Variants in SUCLG1 observed in about 807,000 individuals in gnomAD.
The protein encoded by SUCLG1 is succinate-CoA ligase GDP/ADP-forming subunit alpha.
A neutral mutation model predicts 37.3 loss-of-function variants in SUCLG1; 26 were observed. The observed-to-expected ratio is 0.70, with a 90% CI of 0.51 to 0.97. The LOEUF is 0.97. SUCLG1 is among the 50% of genes least tolerant of loss of function. The pLI is 0.00. For synonymous variants in SUCLG1, 163 were observed against 155.6 expected (o/e 1.05, Z -0.36); for missense variants, 433 against 432.9 (o/e 1.00, Z 0.00).
At chr2:84,451,305 T>C (rs950068997) in intron 1 of SUCLG1, among the ~76,000 whole-genome samples, 1 of 152,196 alleles carries the variant, frequency 6.6e-6, no homozygotes, top group African/African-American at 2.4e-5. Context: ...TATCATACCA[T>C]ATGTTTTCAG....
At chr2:84,432,102 G>A (rs1371282446) in intron 6 of SUCLG1, among the ~76,000 whole-genome samples, 1 of 152,174 alleles carries the variant, frequency 6.6e-6, no homozygotes, top group African/African-American at 2.4e-5. Flanking sequence ...GAAGTATGCT[G>A]CAGATAAATC....
intron 2 of SUCLG1, among the ~76,000 whole-genome samples, chr2:84,445,841 G>A (rs78779609): frequency 0.015 from 2,246 of 152,158 alleles, 45 homozygotes; most frequent in East Asian, 0.066. Context: ...TGAAGATCAC[G>A]GCACTCCTCT....
At chr2:84,452,375 C>G (rs1672954482) in intron 1 of SUCLG1, among the ~76,000 whole-genome samples, 1 of 152,182 alleles carries the variant, frequency 6.6e-6, no homozygotes, top group Non-Finnish European at 1.5e-5. Context: ...GCAAATATCT[C>G]TTACCTTTCA....
At chr2:84,453,931 C>G (rs541038711) in intron 1 of SUCLG1, among the ~76,000 whole-genome samples, 1 of 152,326 alleles carries the variant, frequency 6.6e-6, no homozygotes, top group Admixed American at 6.5e-5. Flanking sequence ...TGAGTTTATG[C>G]TCTGCCTTCC....
chr2:84,458,362 G>A (rs1399956874), intron 1 of SUCLG1: 2 of 152,142 alleles, frequency 1.3e-5, no homozygotes, highest in Non-Finnish European at 2.9e-5. Flanking sequence ...CAGATTAAGT[G>A]TCCAGGGTTA....
intron 1 of SUCLG1, among the ~76,000 whole-genome samples, chr2:84,454,250 T>A (rs1672986190): frequency 6.6e-6 from 1 of 152,234 alleles, no homozygotes; most frequent in Non-Finnish European, 1.5e-5. Context: ...ATAAACATAC[T>A]AATCCATGTC....
At chr2:84,432,147 G>A (rs745759794) in intron 6 of SUCLG1, among the ~76,000 whole-genome samples, 1 of 152,212 alleles carries the variant, frequency 6.6e-6, no homozygotes, top group Admixed American at 6.5e-5. Flanking sequence ...GCCAGTGAGT[G>A]ACAGTGAGTA....
At chr2:84,432,922 C>A in intron 6 of SUCLG1, 1 of 229,494 alleles carries the variant, frequency 4.4e-6, no homozygotes, top group Non-Finnish European at 8.7e-6. Flanking sequence ...ACCAATAAGG[C>A]TCTAACAGTA....
intron 5 of SUCLG1, 186 bp from the exon 6 acceptor site, chr2:84,433,621 G>A (rs1372629592): frequency 4.9e-6 from 3 of 614,166 alleles, no homozygotes. Context: ...TCAAGCAGGG[G>A]GGTTTTTTAA....
intron 1 of SUCLG1, among the ~76,000 whole-genome samples, chr2:84,456,275 C>T (rs1467658956): frequency 6.6e-6 from 1 of 152,176 alleles, no homozygotes; most frequent in African/African-American, 2.4e-5. Flanking sequence ...TAAGTTATCA[C>T]ATGGTACATG....
chr2:84,427,076 T>C (rs1672545305), intron 7 of SUCLG1: 1 of 153,922 alleles, frequency 6.5e-6, no homozygotes, highest in Admixed American at 6.5e-5. Flanking sequence ...TTACCACTTA[T>C]ATTTTCAACT....
intron 1 of SUCLG1, 60 bp from the exon 2 acceptor site, chr2:84,449,812 T>C (rs1672913311): frequency 4.5e-6 from 6 of 1,340,006 alleles, no homozygotes; most frequent in Non-Finnish European, 5.2e-6. Context: ...TTTCTAAACT[T>C]TTGAACAATA....
At chr2:84,446,368 C>A (rs1287017419) in intron 2 of SUCLG1, among the ~76,000 whole-genome samples, 1 of 152,172 alleles carries the variant, frequency 6.6e-6, no homozygotes, top group African/African-American at 2.4e-5. Flanking sequence ...ATACAGTAGG[C>A]ATTCAATAAA....
Position 84,425,503 on chromosome 2 carries a change from C to T in SUCLG1, c.926G>A (p.Gly309Asp), listed in dbSNP as rs1259678864. Residue 309 changes from glycine to aspartate, a missense_variant, in exon 8 of 9, where the codon GGT becomes GAT. Gly to Asp is a moderately conservative substitution (Grantham distance 94). Coordinates refer to ENST00000393868, the MANE Select transcript of SUCLG1 (RefSeq NM_003849.4). Reference protein sequence around the residue: ...HAGAIIAGGKGGAKEKISALQ... With the variant: ...HAGAIIAGGKDGAKEKISALQ... Reference sequence around the variant, plus strand: ...GGCAGAGATCTTCTCTTTAGCTCCACCTTTTCCTCCAGCAATAATTGCCCC... The same window carrying T: ...GGCAGAGATCTTCTCTTTAGCTCCATCTTTTCCTCCAGCAATAATTGCCCC... 6.2e-7 allele frequency: 1 copy of T among 1,614,124 alleles called. No individual in the cohort carries two copies. Among genetic ancestry groups the T allele is most frequent in the South Asian group, 1.1e-5 (1 of 91,094 alleles).
chr2:84,449,611 TAGTCTACATTTGAA>T, intron 2 of SUCLG1, 24 bp downstream of exon 2: 6 of 1,310,468 alleles, frequency 4.6e-6, no homozygotes, highest in Middle Eastern at 2.0e-4. Flanking sequence ...GTTATATCTC[TAGTCTACATTTGAA>T]AATAAAAATC....
intron 1 of SUCLG1, among the ~76,000 whole-genome samples, chr2:84,458,887 G>A (rs1203769569): frequency 6.6e-6 from 1 of 152,100 alleles, no homozygotes; most frequent in Non-Finnish European, 1.5e-5. Flanking sequence ...GTCACCGCGG[G>A]GCCGAGAGCA....
chr2:84,443,382 G>A lies in SUCLG1; in HGVS notation c.220C>T (p.Gln74Ter). ...TGKQGTFHSQ[Q>*]ALEYGTKLVG... ...AGTTTGGTGCCATATTCCAATGCCT[G>A]CTGGCTGTGAAAGGTGCCCTGAGGG... The change falls in exon 3 of 9, where the codon CAG becomes TAG. Residue 74 changes from glutamine (Q) to a stop codon, truncating the protein, a stop_gained. Transcript: ENST00000393868. LOFTEE classifies it high-confidence loss of function. 2 of 1,614,132 alleles carry A rather than the reference G, an allele frequency of 1.2e-6. No homozygotes were observed. Among genetic ancestry groups the A allele is most frequent in the Non-Finnish European group, 1.7e-6 (2 of 1,179,984 alleles).
At position 84,433,323 on chromosome 2, in the gene SUCLG1, A is replaced by C. The variant is rs377557187; in HGVS notation, c.673+29T>G. Reference sequence around the variant, plus strand: ...CATCCAATGAAGACACCACACTCCAATAAAATGATTTTAGCAAAAGTCCCT... The same window carrying C: ...CATCCAATGAAGACACCACACTCCACTAAAATGATTTTAGCAAAAGTCCCT... On this transcript the variant is annotated intron_variant, in intron 6 of 8. Transcript: ENST00000393868. 1.9e-6 allele frequency: 3 copies of C among 1,602,058 alleles called. No homozygotes were observed. In the African/African-American group the frequency reaches 4.0e-5, roughly 21 times the overall value.
intron 5 of SUCLG1, among the ~76,000 whole-genome samples, chr2:84,435,072 C>T (rs1672665479): frequency 6.6e-6 from 1 of 152,210 alleles, no homozygotes; most frequent in African/African-American, 2.4e-5. Flanking sequence ...GCCAGCCCAG[C>T]AGAGTCCCAG....
Sources: gnomAD v4.1 joint callset for allele counts (sites outside exome capture counted in the v4.1 genomes callset) on GRCh38, gnomAD v4.1.1 for gene constraint, MANE v1.5 for transcripts, NCBI Gene and HGNC (gene_info 2026-07-23, HGNC 2026-07-21) for gene names.